The following CRISP2 variants were observed in gnomAD, a reference collection of about 807,000 sequenced individuals.
CRISP2 encodes the protein cysteine-rich secretory protein 2.
In CRISP2, 29 loss-of-function variants were observed where a neutral mutation model predicts 31.7. The ratio of observed to expected loss-of-function variants is 0.92; its 90% CI spans 0.68 to 1.25. The LOEUF (loss-of-function observed/expected upper bound fraction) is 1.25, where lower values mean the gene tolerates loss of function less well. CRISP2 is among the 50% of genes most tolerant of loss of function. CRISP2 has a pLI of 0.00. For synonymous variants in CRISP2, 111 were observed against 101.4 expected (o/e 1.09, Z -0.57); for missense variants, 318 against 286.5 (o/e 1.11, Z -0.79).
chr6:49,692,025 G>A (rs1177600583), downstream of CRISP2, among the ~76,000 whole-genome samples: 2 of 151,816 alleles, frequency 1.3e-5, no homozygotes, highest in Non-Finnish European at 2.9e-5. Context: ...CCACTTGTTT[G>A]TTTTCTTGGA....
the CRISP2 span, among the ~76,000 whole-genome samples, chr6:49,686,969 C>T: frequency 3.3e-5 from 5 of 151,866 alleles, no homozygotes; most frequent in Non-Finnish European, 7.4e-5. Flanking sequence ...AACCAAACAC[C>T]GTATGTTCTC....
At chr6:49,682,511 C>T in the CRISP2 span, among the ~76,000 whole-genome samples, 2 of 133,226 alleles carry the variant, frequency 1.5e-5, no homozygotes, top group Admixed American at 1.6e-4. Flanking sequence ...TCCTGTTCCT[C>T]CTCTTCCTCC....
chr6:49,696,541 A>G (rs552601508), intron 8 of CRISP2, among the ~76,000 whole-genome samples: 2 of 151,278 alleles, frequency 1.3e-5, no homozygotes, highest in African/African-American at 4.8e-5. Flanking sequence ...AGATTTTTAC[A>G]TTTACCAAAA....
At chr6:49,691,813 C>T (rs1003818584), downstream of CRISP2, among the ~76,000 whole-genome samples, 3 of 151,938 alleles carry the variant, frequency 2.0e-5, no homozygotes, top group African/African-American at 4.8e-5. Context: ...ATTCAATTTC[C>T]TTAATGGTTA....
chr6:49,692,790 C>T lies in CRISP2; in HGVS notation c.715G>A (p.Glu239Lys), dbSNP rs1582006518. ...TAGGTAAATCAGTAAATTTTGTTCTCACATAGGCAAGTAGCCTTGCACTTT... is the reference window on the plus strand; with the variant it reads ...TAGGTAAATCAGTAAATTTTGTTCTTACATAGGCAAGTAGCCTTGCACTTT... ...KEKCKATCLC[E>K]NKIY is the part of the protein sequence containing the mutation. The change falls in exon 10 of 10, where the codon GAG becomes AAG. Residue 239 changes from glutamate (E) to lysine (K), a missense_variant. Coordinates refer to ENST00000339139, the MANE Select transcript of CRISP2 (RefSeq NM_003296.4). 8 of 1,613,424 alleles carry T rather than the reference C, an allele frequency of 5.0e-6. No individual in the cohort carries two copies. Among genetic ancestry groups the T allele is most frequent in the Non-Finnish European group, 6.8e-6 (8 of 1,179,506 alleles).
chr6:49,696,932 T>C (rs773583098), intron 8 of CRISP2, among the ~76,000 whole-genome samples: 3 of 152,168 alleles, frequency 2.0e-5, no homozygotes, highest in Non-Finnish European at 2.9e-5. Context: ...TGGCTGCTGA[T>C]GCTTCCCTCT....
chr6:49,693,489 T>A, intron 9 of CRISP2, among the ~76,000 whole-genome samples: 1 of 152,114 alleles, frequency 6.6e-6, no homozygotes, highest in East Asian at 1.9e-4. Flanking sequence ...ACAAGGACAA[T>A]ACGCCCTTTT....
chr6:49,683,494 C>T, the CRISP2 span, among the ~76,000 whole-genome samples: 21,744 of 148,114 alleles, frequency 0.15, 1,670 homozygotes, highest in African/African-American at 0.17. Flanking sequence ...TGAAACCTCG[C>T]CTCTACTAAA....
At chr6:49,690,428 G>A (rs974245262), downstream of CRISP2, among the ~76,000 whole-genome samples, 1 of 151,958 alleles carries the variant, frequency 6.6e-6, no homozygotes, top group Non-Finnish European at 1.5e-5. Flanking sequence ...ACCAGATTAA[G>A]TAAGAAAAAC....
chr6:49,689,970 T>C (rs887180798), downstream of CRISP2, among the ~76,000 whole-genome samples: 2 of 152,160 alleles, frequency 1.3e-5, no homozygotes, highest in African/African-American at 4.8e-5. Context: ...AAGAGCATCT[T>C]CTATCTTTAA....
downstream of CRISP2, among the ~76,000 whole-genome samples, chr6:49,687,996 C>T (rs1763938246): frequency 1.3e-5 from 2 of 152,098 alleles, no homozygotes; most frequent in Admixed American, 1.3e-4. Context: ...GGGGAAATAC[C>T]AGCCCTTCCT....
the CRISP2 span, among the ~76,000 whole-genome samples, chr6:49,686,789 T>C: frequency 3.3e-5 from 5 of 152,184 alleles, no homozygotes; most frequent in Admixed American, 1.3e-4. Flanking sequence ...AATAGCAAAG[T>C]CTTGGAACCA....
At chr6:49,682,868 A>G in the CRISP2 span, among the ~76,000 whole-genome samples, 21,520 of 145,474 alleles carry the variant, frequency 0.15, 1,616 homozygotes, top group African/African-American at 0.17. Flanking sequence ...TCCTGTTTCA[A>G]GTTGAGGTTA....
downstream of CRISP2, among the ~76,000 whole-genome samples, chr6:49,691,149 C>G (rs898438047): frequency 2.6e-5 from 4 of 151,958 alleles, no homozygotes; most frequent in African/African-American, 9.7e-5. Context: ...TATTTAAAAC[C>G]TTTCAAATGC....
rs1175833252 is a variant in CRISP2 at position 49,692,771 on chromosome 6, A to T, written c.*2T>A. The T allele has an allele frequency of 2.5e-6, 4 of 1,612,252 alleles. No individual in the cohort carries two copies. Among genetic ancestry groups the T allele is most frequent in the Non-Finnish European group, 3.4e-6 (4 of 1,178,762 alleles). On this transcript the variant is annotated 3_prime_UTR_variant, in exon 10 of 10. Coordinates refer to ENST00000339139, the MANE Select transcript of CRISP2 (RefSeq NM_003296.4). ...AGTCTTGCACAATGCTCACTAGGTAAATCAGTAAATTTTGTTCTCACATAG... is the reference window on the plus strand; with the variant it reads ...AGTCTTGCACAATGCTCACTAGGTATATCAGTAAATTTTGTTCTCACATAG...
downstream of CRISP2, among the ~76,000 whole-genome samples, chr6:49,689,072 A>G (rs1219099832): frequency 6.6e-6 from 1 of 152,072 alleles, no homozygotes; most frequent in African/African-American, 2.4e-5. Context: ...AAGATTCACC[A>G]TGTTGATCAG....
chr6:49,708,720 A>G (rs73439857), intron 4 of CRISP2, among the ~76,000 whole-genome samples: 5,077 of 152,300 alleles, frequency 0.033, 300 homozygotes, highest in African/African-American at 0.12. Flanking sequence ...TTAGCTTGTG[A>G]TAATTTGTTG....
intron 4 of CRISP2, among the ~76,000 whole-genome samples, chr6:49,702,365 A>T (rs1766241033): frequency 6.6e-6 from 1 of 151,176 alleles, no homozygotes; most frequent in East Asian, 1.9e-4. Flanking sequence ...ATTTACATTT[A>T]GTTCTTTAAG....
intron 4 of CRISP2, 52 bp from the exon 5 acceptor site, chr6:49,700,836 A>G (rs1440586340): frequency 2.7e-6 from 3 of 1,115,020 alleles, no homozygotes; most frequent in Non-Finnish European, 4.0e-6. Flanking sequence ...TAAATTTCAT[A>G]TAATAGTGAA....
Sources: gnomAD v4.1 joint callset for allele counts (sites outside exome capture counted in the v4.1 genomes callset) on GRCh38, gnomAD v4.1.1 for gene constraint, MANE v1.5 for transcripts, NCBI Gene and HGNC (gene_info 2026-07-23, HGNC 2026-07-21) for gene names.